CYS1: variants seen among roughly 807,000 people sequenced by gnomAD.
The protein encoded by CYS1 is cystin 1.
Under a neutral mutation model 9.6 loss-of-function variants are expected in CYS1, and 5 were observed. The ratio of observed to expected loss-of-function variants is 0.52; its 90% confidence interval spans 0.27 to 1.10. The LOEUF is 1.10. CYS1 is among the 50% of genes least tolerant of loss of function. The probability of loss-of-function intolerance (pLI) is 0.11; values close to 1 mark genes in which losing one functional copy is unlikely to be tolerated. For synonymous variants in CYS1, 88 were observed against 95.7 expected (o/e 0.92, Z 0.47); for missense variants, 221 against 207.9 (o/e 1.06, Z -0.39).
At chr2:10,068,547 GAT>G (rs2125289654) in intron 1 of CYS1, among the ~76,000 whole-genome samples, 1 of 152,336 alleles carries the variant, frequency 6.6e-6, no homozygotes, top group Admixed American at 6.5e-5. Context: ...ACCACCAGGT[GAT>G]GAGAATTTAG....
intron 1 of CYS1, among the ~76,000 whole-genome samples, chr2:10,067,914 A>T (rs1661717543): frequency 6.6e-6 from 1 of 152,204 alleles, no homozygotes; most frequent in Non-Finnish European, 1.5e-5. Flanking sequence ...AGTAAAAGGA[A>T]GTGATGATGA....
At chr2:10,064,841 C>T (rs558874791) in intron 2 of CYS1, among the ~76,000 whole-genome samples, 22 of 151,736 alleles carry the variant, frequency 1.4e-4, no homozygotes, top group Admixed American at 3.9e-4. Context: ...CCTTAGCCCC[C>T]GGAGTAGCTG....
At chr2:10,070,260 T>A (rs943961611) in intron 1 of CYS1, among the ~76,000 whole-genome samples, 3 of 152,250 alleles carry the variant, frequency 2.0e-5, no homozygotes, top group African/African-American at 7.2e-5. Flanking sequence ...TCTCCCAGCC[T>A]GGCCCAGTAC....
At chr2:10,075,041 G>A (rs555882229) in intron 1 of CYS1, among the ~76,000 whole-genome samples, 3 of 152,238 alleles carry the variant, frequency 2.0e-5, no homozygotes, top group African/African-American at 4.8e-5. Context: ...GAACCCGGGA[G>A]GCGGAGGCTG....
At chr2:10,070,559 T>C (rs768112597) in intron 1 of CYS1, among the ~76,000 whole-genome samples, 23 of 152,178 alleles carry the variant, frequency 1.5e-4, no homozygotes, top group Admixed American at 3.9e-4. Flanking sequence ...TTGGCCAGGC[T>C]GGTCTTGAAC....
At chr2:10,074,723 T>C (rs1056294977) in intron 1 of CYS1, among the ~76,000 whole-genome samples, 1 of 152,212 alleles carries the variant, frequency 6.6e-6, no homozygotes, top group Non-Finnish European at 1.5e-5. Flanking sequence ...ACCTCTTAGC[T>C]TGGAATCCTG....
In CYS1 at chr2:10,076,297, C is replaced by T. The variant is rs1019548417; in HGVS notation, c.318+3609G>A. On this transcript the variant is annotated intron_variant, in intron 1 of 2. Coordinates refer to ENST00000381813, the MANE Select transcript of CYS1 (RefSeq NM_001037160.3). This position sits in a 1 kb window ranked among gnomAD's most constrained non-coding sequence, Gnocchi z 4.3. The stretch of plus-strand genomic sequence containing the variant: ...GGGCATCTAATGCTCAAAACCTCCT[C>T]TTATCCAGCCCATTCTGGGACTAAG... Among the ~76,000 whole-genome samples, 6 of 152,230 alleles carry T rather than the reference C, an allele frequency of 3.9e-5. No homozygotes were observed. The highest frequency in any genetic ancestry group is 1.2e-4 in the African/African-American group (5 of 41,440).
At chr2:10,068,936 C>A (rs112789201) in intron 1 of CYS1, among the ~76,000 whole-genome samples, 4,575 of 152,174 alleles carry the variant, frequency 0.03, 220 homozygotes, top group African/African-American at 0.1. Context: ...GTGGCGGGCA[C>A]CTCTAATCCC....
chr2:10,079,113 C>T (rs1387316597), intron 1 of CYS1, among the ~76,000 whole-genome samples: 1 of 152,200 alleles, frequency 6.6e-6, no homozygotes, highest in Non-Finnish European at 1.5e-5. Context: ...AGCAGGGAAC[C>T]AGGGCCAGAG....
In CYS1 at chr2:10,076,673, C is replaced by T. The variant is rs1483786618; in HGVS notation, c.318+3233G>A. ...CCTTTACTGGCTGTTCTTTAGGATG[C>T]CTCTATCTCCTCAACCTTTGAACAG... On this transcript the variant is annotated intron_variant, in intron 1 of 2. Coordinates refer to ENST00000381813, the MANE Select transcript of CYS1 (RefSeq NM_001037160.3). The surrounding 1 kb of genome is among the most constrained non-coding windows in gnomAD (Gnocchi z 4.3). Among the ~76,000 whole-genome samples the T allele has an allele frequency of 1.3e-5, 2 of 152,172 alleles. No individual in the cohort carries two copies. Among genetic ancestry groups the T allele is most frequent in the Non-Finnish European group, 2.9e-5 (2 of 68,042 alleles).
intron 1 of CYS1, among the ~76,000 whole-genome samples, chr2:10,072,443 G>A (rs949531611): frequency 6.6e-6 from 1 of 152,236 alleles, no homozygotes; most frequent in Non-Finnish European, 1.5e-5. Context: ...AAAATATACA[G>A]TGGATTTCTT....
intron 2 of CYS1, among the ~76,000 whole-genome samples, chr2:10,061,252 C>A (rs72786628): frequency 0.17 from 26,453 of 151,904 alleles, 2,662 homozygotes; most frequent in Middle Eastern, 0.32. Flanking sequence ...AACCAACCAA[C>A]CAAACAAACA....
At chr2:10,069,506 C>A (rs1661737188) in intron 1 of CYS1, among the ~76,000 whole-genome samples, 2 of 151,826 alleles carry the variant, frequency 1.3e-5, no homozygotes, top group African/African-American at 4.8e-5. Context: ...GTAGCTGGGA[C>A]CACAGGTGCG....
rs533871326 is a variant in CYS1, at chr2:10,063,105, G to C, written c.371+2799C>G. ...TGGCGTTGTCAGGATGGTCAGGACTGGGGTCAAGGCCCACACGCCCCAGGC... is the reference window on the plus strand; with the variant it reads ...TGGCGTTGTCAGGATGGTCAGGACTCGGGTCAAGGCCCACACGCCCCAGGC... On this transcript the variant is annotated intron_variant, in intron 2 of 2. Transcript: ENST00000381813. The surrounding 1 kb of genome is among the most constrained non-coding windows in gnomAD (Gnocchi z 4.2). Among the ~76,000 whole-genome samples the C allele has an allele frequency of 1.0e-3, 154 of 152,354 alleles. No individual in the cohort carries two copies. The highest frequency in any genetic ancestry group is 3.5e-3 in the African/African-American group (144 of 41,592).
Position 10,080,193 on chromosome 2 carries a change from T to A in CYS1, c.31A>T (p.Thr11Ser). 9.4e-7 allele frequency: 1 copy of A among 1,060,916 alleles called. No homozygotes were observed. Among genetic ancestry groups the A allele is most frequent in the Non-Finnish European group, 1.1e-6 (1 of 882,430 alleles). The allele number at this position is 1,060,916 out of a possible 1,614,324, so 65.7% of individuals were successfully genotyped here. MGSGSSRSSRTLRRRRSPESL... is the reference protein window; with the variant it reads MGSGSSRSSRSLRRRRSPESL... ...TCGGGGCTGCGCCGCCGCCTCAGAG[T>A]CCGGCTGCTCCGGCTGCTGCCGCTG... Residue 11 changes from threonine (T) to serine (S), a missense_variant, in exon 1 of 3, where the codon ACT (threonine) becomes TCT (serine). Physicochemically the swap from Thr to Ser is moderately conservative, Grantham distance 58. Coordinates refer to ENST00000381813, the MANE Select transcript of CYS1 (RefSeq NM_001037160.3). The surrounding 1 kb of genome is among the most constrained non-coding windows in gnomAD (Gnocchi z 6.4).
rs1661585594 is a variant in CYS1 at position 10,058,797 on chromosome 2, GGGTGCCCCAGCCAGCA to G, written c.*40_*55del. On this transcript the variant is annotated 3_prime_UTR_variant, in exon 3 of 3. Coordinates refer to ENST00000381813, the MANE Select transcript of CYS1 (RefSeq NM_001037160.3). ...CCTGCTAGAGCTCTGTGCAAGCAGA[GGGTGCCCCAGCCAGCA>G]GGTGCCTCCGAGGCCTGGCGGGGGT... 6.9e-7 allele frequency: 1 copy of G among 1,442,374 alleles called. No homozygotes were observed. The highest frequency in any genetic ancestry group is 1.4e-5 in the African/African-American group (1 of 71,294). 89.3% of individuals were successfully genotyped at this position (1,442,374 alleles called of 1,614,324 possible).
Position 10,080,240 on chromosome 2 carries a change from C to G in CYS1, c.-17G>C, listed in dbSNP as rs1381155658. 5.7e-6 allele frequency: 6 copies of G among 1,043,492 alleles called. No individual in the cohort carries two copies. The highest frequency in any genetic ancestry group is 6.9e-6 in the Non-Finnish European group (6 of 871,204). 64.6% of individuals were successfully genotyped at this position (1,043,492 alleles called of 1,614,324 possible). On this transcript the variant is annotated 5_prime_UTR_variant, in exon 1 of 3. Transcript: ENST00000381813. This position sits in a 1 kb window ranked among gnomAD's most constrained non-coding sequence, Gnocchi z 6.4. ...GCTGCCCATGGCGCGCCCGCCGCCTCCCGGACCGCCGAGGGGGCCCCCATG... is the reference window on the plus strand; with the variant it reads ...GCTGCCCATGGCGCGCCCGCCGCCTGCCGGACCGCCGAGGGGGCCCCCATG...
At chr2:10,061,614 C>T (rs902388669) in intron 2 of CYS1, among the ~76,000 whole-genome samples, 8 of 152,216 alleles carry the variant, frequency 5.3e-5, no homozygotes, top group African/African-American at 1.7e-4. Flanking sequence ...ACTCAGCACC[C>T]GACATGCCCT....
intron 1 of CYS1, among the ~76,000 whole-genome samples, chr2:10,075,153 C>A (rs544904977): frequency 1.3e-5 from 2 of 151,952 alleles, no homozygotes; most frequent in African/African-American, 4.8e-5. Flanking sequence ...CTGGAGTTTT[C>A]TACACATTGT....
Sources: gnomAD v4.1 joint callset for allele counts (sites outside exome capture counted in the v4.1 genomes callset) on GRCh38, gnomAD v4.1.1 for gene constraint, Gnocchi (gnomAD v3.1) non-coding constraint, MANE v1.5 for transcripts, NCBI Gene and HGNC (gene_info 2026-07-23, HGNC 2026-07-21) for gene names.